Variants in RAP1GDS1 observed in about 807,000 individuals in gnomAD.
The protein encoded by RAP1GDS1 is Rap1 GTPase-GDP dissociation stimulator 1.
RAP1GDS1 carries 35 observed loss-of-function variants against 71.1 expected under a neutral mutation model. The observed-to-expected ratio is 0.49, with a 90% CI of 0.38 to 0.65. The LOEUF is 0.65. Among genes scored for constraint, RAP1GDS1 ranks in the 30% least tolerant of loss-of-function variants. RAP1GDS1 has a pLI of 0.00. For synonymous variants in RAP1GDS1, 229 were observed against 243.1 expected, an observed-to-expected ratio of 0.94 and a Z score of 0.54; for missense variants, 663 against 706.1, an observed-to-expected ratio of 0.94 and a Z score of 0.69.
intron 1 of RAP1GDS1, among the ~76,000 whole-genome samples, chr4:98,279,081 G>A (rs1164472179): frequency 6.6e-6 from 1 of 152,024 alleles, no homozygotes; most frequent in Non-Finnish European, 1.5e-5. Context: ...AAAATTAGCT[G>A]GGCATGGTGG....
At chr4:98,319,700 G>T (rs571008153) in intron 2 of RAP1GDS1, among the ~76,000 whole-genome samples, 1 of 148,070 alleles carries the variant, frequency 6.8e-6, no homozygotes, top group Non-Finnish European at 1.5e-5. Flanking sequence ...GGAATCGCTT[G>T]AACTCGGTAG....
At chr4:98,421,227 A>G in intron 11 of RAP1GDS1, 28 bp from the exon 12 acceptor site, 1 of 1,579,870 alleles carries the variant, frequency 6.3e-7, no homozygotes, top group Admixed American at 1.8e-5. Flanking sequence ...TTAGTGATTC[A>G]TTCCTTGGTT....
chr4:98,428,012 A>G (rs1222850214), intron 12 of RAP1GDS1, among the ~76,000 whole-genome samples: 1 of 152,202 alleles, frequency 6.6e-6, no homozygotes, highest in Non-Finnish European at 1.5e-5. Flanking sequence ...AAATAGGCAC[A>G]CAGACCAATT....
chr4:98,346,017 C>T (rs1021111634), intron 3 of RAP1GDS1, among the ~76,000 whole-genome samples: 10 of 152,126 alleles, frequency 6.6e-5, no homozygotes, highest in African/African-American at 1.9e-4. Flanking sequence ...CAGACTCACC[C>T]GGGAACTTGT....
At chr4:98,371,451 C>T (rs1009203525) in intron 4 of RAP1GDS1, among the ~76,000 whole-genome samples, 2 of 151,856 alleles carry the variant, frequency 1.3e-5, no homozygotes, top group Admixed American at 1.3e-4. Context: ...TAATGTCCCC[C>T]TTTATCCCTG....
intron 1 of RAP1GDS1, among the ~76,000 whole-genome samples, chr4:98,265,175 C>T (rs1348083352): frequency 2.6e-5 from 4 of 152,112 alleles, no homozygotes; most frequent in African/African-American, 9.7e-5. Flanking sequence ...TGTTTAATGG[C>T]TTGAACCAGG....
chr4:98,433,304 T>G (rs976740287), intron 12 of RAP1GDS1, among the ~76,000 whole-genome samples: 1 of 152,170 alleles, frequency 6.6e-6, no homozygotes, highest in African/African-American at 2.4e-5. Context: ...AGCAACTTTT[T>G]TTTTTTTAAG....
intron 5 of RAP1GDS1, among the ~76,000 whole-genome samples, chr4:98,381,255 TAA>T (rs1340706062): frequency 1.3e-5 from 2 of 151,516 alleles, no homozygotes; most frequent in East Asian, 3.9e-4. Flanking sequence ...ACTTATCGAA[TAA>T]AAAAGACATA....
At chr4:98,311,384 A>G (rs1730199034) in intron 2 of RAP1GDS1, among the ~76,000 whole-genome samples, 1 of 152,170 alleles carries the variant, frequency 6.6e-6, no homozygotes, top group Non-Finnish European at 1.5e-5. Flanking sequence ...TACTTCTTGT[A>G]AAGAGAAAAG....
At chr4:98,408,608 A>C (rs1037153162) in intron 7 of RAP1GDS1, among the ~76,000 whole-genome samples, 1 of 152,198 alleles carries the variant, frequency 6.6e-6, no homozygotes, top group African/African-American at 2.4e-5. Context: ...ATGAAAATTA[A>C]AGGCTAGTCT....
chr4:98,271,036 G>A (rs1578253162), intron 1 of RAP1GDS1, among the ~76,000 whole-genome samples: 1 of 152,116 alleles, frequency 6.6e-6, no homozygotes, highest in Non-Finnish European at 1.5e-5. Flanking sequence ...TATGTTATTG[G>A]TAAGGCTTCT....
At chr4:98,325,938 G>A (rs1012646193) in intron 2 of RAP1GDS1, among the ~76,000 whole-genome samples, 22 of 150,722 alleles carry the variant, frequency 1.5e-4, no homozygotes, top group Admixed American at 1.2e-3. Flanking sequence ...AAAAGATTCA[G>A]TGTAGTTGTA....
At chr4:98,351,874 GC>G (rs1357968373) in intron 3 of RAP1GDS1, among the ~76,000 whole-genome samples, 2 of 151,938 alleles carry the variant, frequency 1.3e-5, no homozygotes, top group Non-Finnish European at 2.9e-5. Flanking sequence ...ATATGAGTGA[GC>G]CATAAAATGG....
chr4:98,368,094 T>C (rs571767028), intron 4 of RAP1GDS1, among the ~76,000 whole-genome samples: 106 of 152,214 alleles, frequency 7.0e-4, no homozygotes, highest in African/African-American at 2.4e-3. Flanking sequence ...GGGAGATAAT[T>C]GAATCATGGG....
At position 98,442,932 on chromosome 4, in the gene RAP1GDS1, T is replaced by C. The variant is rs1752051820; in HGVS notation, c.*815T>C. The C allele has an allele frequency of 4.3e-6, 1 of 230,680 alleles. No homozygotes were observed. Among genetic ancestry groups the C allele is most frequent in the East Asian group, 6.2e-5 (1 of 16,246 alleles). 14.3% of individuals were successfully genotyped at this position (230,680 alleles called of 1,614,324 possible). A position where few individuals can be genotyped will look rare whatever the true frequency, so the allele number is the denominator to read the frequency against. On this transcript the variant is annotated 3_prime_UTR_variant, in exon 15 of 15. Transcript: ENST00000408927. ...ACTACTTCTACCAGTTAATCAGCAT[T>C]ATCCAGCACTTGTCTTTAAAATTCA...
Position 98,343,214 on chromosome 4 carries a change from C to T in RAP1GDS1, c.188C>T (p.Ser63Phe). The T allele has an allele frequency of 1.2e-6, 2 of 1,605,578 alleles. No individual in the cohort carries two copies. Among genetic ancestry groups the T allele is most frequent in the Non-Finnish European group, 1.7e-6 (2 of 1,172,308 alleles). Residue 63 changes from serine to phenylalanine, a missense_variant, in exon 3 of 15, where the codon TCC (serine) becomes TTC (phenylalanine). By Grantham distance (155) the Ser-to-Phe change is radical. Coordinates refer to ENST00000408927, the MANE Select transcript of RAP1GDS1 (RefSeq NM_001100427.2). ...LFASLLTPQS[S>F]CKAKVANIIA... ...GCAAGTCTGTTGACTCCACAGTCTTCCTGCAAAGCCAAAGTAGCTAACATC... is the reference window on the plus strand; with the variant it reads ...GCAAGTCTGTTGACTCCACAGTCTTTCTGCAAAGCCAAAGTAGCTAACATC...
intron 6 of RAP1GDS1, among the ~76,000 whole-genome samples, chr4:98,403,855 G>A (rs369254112): frequency 1.3e-5 from 2 of 152,238 alleles, no homozygotes; most frequent in African/African-American, 4.8e-5. Flanking sequence ...AGTAGAGGCA[G>A]TGTATGTAAG....
intron 2 of RAP1GDS1, among the ~76,000 whole-genome samples, chr4:98,323,547 AG>A (rs1276554268): frequency 2.1e-5 from 3 of 144,230 alleles, no homozygotes; most frequent in Admixed American, 7.1e-5. Flanking sequence ...AACCGAATCC[AG>A]TAGCACATCA....
intron 12 of RAP1GDS1, among the ~76,000 whole-genome samples, chr4:98,425,434 A>T (rs1749478771): frequency 6.6e-6 from 1 of 152,196 alleles, no homozygotes; most frequent in African/African-American, 2.4e-5. Flanking sequence ...CCACTAAAAG[A>T]TACAGAATTG....
Sources: allele counts gnomAD v4.1 joint callset (sites outside exome capture counted in the v4.1 genomes callset), GRCh38; gene constraint gnomAD v4.1.1; transcripts MANE v1.5; gene names NCBI Gene and HGNC (gene_info 2026-07-23, HGNC 2026-07-21).